The following EPHX2 variants were observed in gnomAD, a reference collection of about 807,000 sequenced individuals.
EPHX2 encodes the protein epoxide hydrolase 2.
In EPHX2, 74 loss-of-function variants were observed where a neutral mutation model predicts 78.7. The observed-to-expected ratio is 0.94, with a 90% CI of 0.78 to 1.14. The LOEUF is 1.14. EPHX2 is among the 50% of genes most tolerant of loss of function. The pLI is 0.00. For missense variants in EPHX2, 715 were observed against 702.5 expected (o/e 1.02, Z -0.20); for synonymous variants, 251 against 255.2 (o/e 0.98, Z 0.16).
Position 27,506,925 on chromosome 8 carries a change from A to C in EPHX2, c.591A>C (p.Gly197=), listed in dbSNP as rs11996801. The C allele has an allele frequency of 9.4e-3, 15,138 of 1,613,974 alleles. 1,071 individuals are homozygous for C. The African/African-American group carries it at 0.17, about 18-fold the overall frequency. The part of the protein sequence containing the change: ...GANLKPARDL[G]MVTILVQDTD... ...ATCTGAAGCCAGCCCGTGACTTGGG[A>C]ATGGTCACCATCCTGGTCCAGGACA... The change falls in exon 5 of 19, where the codon GGA becomes GGC. Residue 197 remains glycine, a synonymous_variant. Coordinates refer to ENST00000521400, the MANE Select transcript of EPHX2 (RefSeq NM_001979.6).
At chr8:27,523,982 GAGTGT>G (rs1186220397) in intron 11 of EPHX2, among the ~76,000 whole-genome samples, 40 of 151,118 alleles carry the variant, frequency 2.6e-4, no homozygotes, top group African/African-American at 9.5e-4. Flanking sequence ...GTCCAGGCTG[GAGTGT>G]AGTGGTGCAA....
chr8:27,531,634 G>A (rs1303742208), intron 12 of EPHX2, among the ~76,000 whole-genome samples: 1 of 152,182 alleles, frequency 6.6e-6, no homozygotes, highest in Non-Finnish European at 1.5e-5. Context: ...TCCACTCCTG[G>A]ATGGCATCCT....
intron 9 of EPHX2, 66 bp from the exon 10 acceptor site, chr8:27,520,817 C>T: frequency 6.2e-7 from 1 of 1,602,886 alleles, no homozygotes; most frequent in East Asian, 2.2e-5. Context: ...GCAGTTCAGC[C>T]CATCATAAAG....
chr8:27,541,630 C>T, intron 16 of EPHX2, 88 bp downstream of exon 16: 5 of 1,428,734 alleles, frequency 3.5e-6, no homozygotes, highest in Non-Finnish European at 4.9e-6. Context: ...TGACCTGGGC[C>T]AGAGCTGGTT....
intron 15 of EPHX2, 53 bp from the exon 16 acceptor site, chr8:27,541,418 TAG>T: frequency 6.4e-7 from 1 of 1,573,538 alleles, no homozygotes; most frequent in African/African-American, 1.3e-5. Flanking sequence ...CTGGTGTCTG[TAG>T]CAGAGCCGTC....
chr8:27,503,785 A>G, intron 3 of EPHX2, 22 bp downstream of exon 3: 4 of 1,602,940 alleles, frequency 2.5e-6, no homozygotes, highest in Middle Eastern at 1.8e-4. Context: ...ATACTGGCCA[A>G]TCTCAGGCCG....
At chr8:27,527,546 C>T (rs1453761238) in intron 12 of EPHX2, among the ~76,000 whole-genome samples, 1 of 152,174 alleles carries the variant, frequency 6.6e-6, no homozygotes, top group East Asian at 1.9e-4. Context: ...ACTAACTCCT[C>T]ATCTCCCCTC....
rs59189067 is a variant in EPHX2, at chr8:27,536,870, T to C, written c.1242+15T>C. The C allele has an allele frequency of 0.018, 28,779 of 1,613,184 alleles. 2,917 individuals carry two copies. In the African/African-American group the frequency reaches 0.27, roughly 15 times the overall value. The stretch of plus-strand genomic sequence containing the variant: ...CAAGCGATGAGGTGAGGGGTGGGGA[T>C]GGGTGCAGAAGAACAGGAGGGGGCA... On this transcript the variant is annotated intron_variant, in intron 13 of 18. Coordinates refer to ENST00000521400, the MANE Select transcript of EPHX2 (RefSeq NM_001979.6).
intron 11 of EPHX2, among the ~76,000 whole-genome samples, chr8:27,522,829 C>T (rs1814696280): frequency 3.3e-5 from 5 of 151,898 alleles, no homozygotes; most frequent in Admixed American, 3.3e-4. Context: ...GGCATGGTGG[C>T]GTGCACCTAT....
Position 27,541,391 on chromosome 8 carries a change from T to C in EPHX2, c.1380-82T>C, listed in dbSNP as rs1815395563. 2.1e-6 allele frequency: 3 copies of C among 1,416,988 alleles called. 1 individual carries two copies. The South Asian group carries it at 3.5e-5, about 16-fold the overall frequency. The allele number at this position is 1,416,988 out of a possible 1,614,324, so 87.8% of individuals were successfully genotyped here. A position where few individuals can be genotyped will look rare whatever the true frequency, so the allele number is the denominator to read the frequency against. On this transcript the variant is annotated intron_variant, in intron 15 of 18. Coordinates refer to ENST00000521400, the MANE Select transcript of EPHX2 (RefSeq NM_001979.6). ...TTGCTCTTCCCAGGACGACTGGCTG[T>C]GCAGAGCAGGTTTCTGCTGGTGTCT...
At chr8:27,508,790 A>G (rs1814118743) in intron 5 of EPHX2, among the ~76,000 whole-genome samples, 1 of 152,026 alleles carries the variant, frequency 6.6e-6, no homozygotes, top group African/African-American at 2.4e-5. Flanking sequence ...GTGTGTGTGG[A>G]CAGTTCAGTG....
At chr8:27,496,229 G>C (rs748708556) in intron 1 of EPHX2, among the ~76,000 whole-genome samples, 3 of 152,220 alleles carry the variant, frequency 2.0e-5, no homozygotes, top group Non-Finnish European at 4.4e-5. Flanking sequence ...AAGAGAGCTA[G>C]AGTAGCCTGC....
chr8:27,536,796 G>A lies in EPHX2; in HGVS notation c.1183G>A (p.Ala395Thr), dbSNP rs1383156199. 6.2e-7 allele frequency: 1 copy of A among 1,613,592 alleles called. No individual in the cohort carries two copies. The highest frequency in any genetic ancestry group is 2.2e-5 in the East Asian group (1 of 44,866). ...TTGATTGTTTTAGGGAGTGGCTGAG[G>A]CTGAACTGGAACAGAACCTGAGTCG... ...LYFQEPGVAEAELEQNLSRTF... is the reference protein window; with the variant it reads ...LYFQEPGVAETELEQNLSRTF... Residue 395 changes from alanine to threonine, a missense_variant, in exon 13 of 19, where the codon GCT becomes ACT. Coordinates refer to ENST00000521400, the MANE Select transcript of EPHX2 (RefSeq NM_001979.6).
chr8:27,520,811 T>G, intron 9 of EPHX2, 72 bp from the exon 10 acceptor site: 1 of 1,590,928 alleles, frequency 6.3e-7, no homozygotes, highest in Admixed American at 1.7e-5. Flanking sequence ...GAGGACGCAG[T>G]TCAGCCCATC....
chr8:27,517,536 A>G (rs1758054318), intron 8 of EPHX2, among the ~76,000 whole-genome samples: 1 of 152,266 alleles, frequency 6.6e-6, no homozygotes, highest in African/African-American at 2.4e-5. Flanking sequence ...TGATACAAAC[A>G]TAAAGACAGA....
intron 9 of EPHX2, 24 bp downstream of exon 9, chr8:27,518,096 C>A (rs1437563643): frequency 6.3e-7 from 1 of 1,587,140 alleles, no homozygotes; most frequent in Admixed American, 1.9e-5. Context: ...TGGGTAACAT[C>A]TTCCCCATCC....
At chr8:27,507,143 A>T (rs1211949402) in intron 5 of EPHX2, 149 bp downstream of exon 5, 2 of 990,046 alleles carry the variant, frequency 2.0e-6, no homozygotes, top group Non-Finnish European at 2.9e-6. Flanking sequence ...CCCACTGTGC[A>T]GTCAGCACGA....
At chr8:27,497,333 G>C (rs1813607749) in intron 1 of EPHX2, among the ~76,000 whole-genome samples, 1 of 152,160 alleles carries the variant, frequency 6.6e-6, no homozygotes, top group South Asian at 2.1e-4. Context: ...ATGGGTGAGG[G>C]GGCAGCTTGT....
At chr8:27,535,338 GC>G (rs1815177424) in intron 12 of EPHX2, among the ~76,000 whole-genome samples, 1 of 152,022 alleles carries the variant, frequency 6.6e-6, no homozygotes, top group African/African-American at 2.4e-5. Flanking sequence ...ACCATGCCCG[GC>G]TAATTTTGTA....
Sources: gnomAD v4.1 joint callset for allele counts (sites outside exome capture counted in the v4.1 genomes callset) on GRCh38, gnomAD v4.1.1 for gene constraint, MANE v1.5 for transcripts, NCBI Gene and HGNC (gene_info 2026-07-23, HGNC 2026-07-21) for gene names.